The following EXT1 variants were observed in gnomAD, a reference collection of about 807,000 sequenced individuals.
EXT1 encodes the protein exostosin-1.
In EXT1, 20 loss-of-function variants were observed where a neutral mutation model predicts 82.5. That is an observed-to-expected ratio of 0.24 (90% CI 0.17 to 0.35). EXT1 has a LOEUF of 0.35. EXT1 is among the 10% of genes least tolerant of loss of function. The probability of loss-of-function intolerance (pLI) is 1.00; values close to 1 mark genes in which losing one functional copy is unlikely to be tolerated. For synonymous variants in EXT1, 348 were observed against 350.8 expected (o/e 0.99, Z 0.09); for missense variants, 757 against 936.5 (o/e 0.81, Z 2.50).
At chr8:117,889,966 C>T (rs1358204401) in intron 1 of EXT1, among the ~76,000 whole-genome samples, 1 of 152,112 alleles carries the variant, frequency 6.6e-6, no homozygotes, top group East Asian at 1.9e-4. Flanking sequence ...GATAATTTCC[C>T]TGACAAAACC....
chr8:117,816,004 G>C (rs1811805999), intron 7 of EXT1, among the ~76,000 whole-genome samples: 1 of 150,998 alleles, frequency 6.6e-6, no homozygotes, highest in African/African-American at 2.4e-5. Flanking sequence ...CTGTCTTGTA[G>C]TGTGTGTGTG....
chr8:117,822,806 A>C (rs1274887123), intron 4 of EXT1, among the ~76,000 whole-genome samples: 1 of 152,200 alleles, frequency 6.6e-6, no homozygotes, highest in African/African-American at 2.4e-5. Context: ...AATTATAGCC[A>C]ATCAAATTTC....
At chr8:117,993,732 G>A (rs369135259) in intron 1 of EXT1, among the ~76,000 whole-genome samples, 12 of 152,296 alleles carry the variant, frequency 7.9e-5, no homozygotes, top group East Asian at 7.7e-4. Flanking sequence ...AAGGAAACCC[G>A]TACAACTGTA....
At chr8:117,833,860 C>T (rs528995141) in intron 3 of EXT1, among the ~76,000 whole-genome samples, 11 of 152,250 alleles carry the variant, frequency 7.2e-5, no homozygotes, top group Admixed American at 7.2e-4. Flanking sequence ...CAACATGCAT[C>T]ACTCTTGTTT....
rs575277580 is a variant in EXT1, at chr8:117,939,956, G to T, written c.963-102755C>A. On this transcript the variant is annotated intron_variant, in intron 1 of 10. Transcript: ENST00000378204. The stretch of plus-strand genomic sequence containing the variant: ...TCTATTTGGCTATTGGATTGTGACT[G>T]TAACTTGCAGAATCTAGTTCTAGAC... Among the ~76,000 whole-genome samples, 7 of 152,338 alleles carry T rather than the reference G, an allele frequency of 4.6e-5. No homozygotes were observed. The South Asian group carries it at 1.4e-3, about 32-fold the overall frequency.
intron 1 of EXT1, among the ~76,000 whole-genome samples, chr8:117,875,911 G>A (rs1431931452): frequency 1.3e-5 from 2 of 152,118 alleles, no homozygotes; most frequent in African/African-American, 4.8e-5. Flanking sequence ...AAACCCTCCA[G>A]GCAGGGAAGA....
intron 1 of EXT1, among the ~76,000 whole-genome samples, chr8:118,011,912 T>C (rs895020381): frequency 1.3e-5 from 2 of 152,148 alleles, no homozygotes; most frequent in African/African-American, 2.4e-5. Context: ...AGGACAGTCA[T>C]CGCAGGCAGA....
intron 1 of EXT1, among the ~76,000 whole-genome samples, chr8:118,096,629 AG>A (rs1817618325): frequency 4.1e-4 from 5 of 12,218 alleles, no homozygotes; most frequent in South Asian, 4.9e-3. Flanking sequence ...GGAGGAAGGA[AG>A]GAAGGAAGGA....
intron 4 of EXT1, 101 bp downstream of exon 4, chr8:117,830,129 C>T: frequency 1.3e-6 from 2 of 1,499,608 alleles, no homozygotes; most frequent in South Asian, 1.1e-5. Flanking sequence ...CTGGTTTTGC[C>T]CCACTGGACC....
intron 9 of EXT1, among the ~76,000 whole-genome samples, chr8:117,806,647 C>T (rs10808488): frequency 0.36 from 55,257 of 152,028 alleles, 10,801 homozygotes; most frequent in Admixed American, 0.51. Context: ...GTCCTCTTGA[C>T]TTCCTGTCCT....
intron 7 of EXT1, among the ~76,000 whole-genome samples, chr8:117,814,886 T>C (rs1044448380): frequency 6.6e-6 from 1 of 152,108 alleles, no homozygotes; most frequent in African/African-American, 2.4e-5. Flanking sequence ...CTCGGTTTCT[T>C]TGCCGGCGAA....
chr8:117,940,147 G>A (rs1672803222), intron 1 of EXT1, among the ~76,000 whole-genome samples: 1 of 152,242 alleles, frequency 6.6e-6, no homozygotes, highest in African/African-American at 2.4e-5. Context: ...GTGGCAGCCA[G>A]AATGTCATCC....
intron 1 of EXT1, among the ~76,000 whole-genome samples, chr8:118,034,769 T>G (rs1451273451): frequency 1.3e-5 from 2 of 152,218 alleles, no homozygotes; most frequent in Non-Finnish European, 2.9e-5. Context: ...GGGACCACTC[T>G]GATTCTACCC....
At chr8:117,959,002 C>T (rs1471023300) in intron 1 of EXT1, among the ~76,000 whole-genome samples, 1 of 152,174 alleles carries the variant, frequency 6.6e-6, no homozygotes, top group Admixed American at 6.5e-5. Context: ...TAGTTACTTC[C>T]CTTGACCAAA....
At chr8:117,867,169 G>A (rs1026595792) in intron 1 of EXT1, among the ~76,000 whole-genome samples, 8 of 147,804 alleles carry the variant, frequency 5.4e-5, no homozygotes, top group Non-Finnish European at 1.2e-4. Context: ...TGAGGCAGAA[G>A]AACTGCTTGA....
chr8:117,859,356 G>A (rs1471354924), intron 1 of EXT1, among the ~76,000 whole-genome samples: 1 of 152,188 alleles, frequency 6.6e-6, no homozygotes, highest in African/African-American at 2.4e-5. Flanking sequence ...GAATAAGTCA[G>A]CAACTACACA....
intron 1 of EXT1, among the ~76,000 whole-genome samples, chr8:117,989,061 CAAAA>C (rs10649300): frequency 1.9e-5 from 2 of 105,328 alleles, no homozygotes. Flanking sequence ...CCCCTCCTCT[CAAAA>C]AAAAAAAAAA....
chr8:118,042,668 T>C (rs1271402236), intron 1 of EXT1, among the ~76,000 whole-genome samples: 1 of 152,204 alleles, frequency 6.6e-6, no homozygotes, highest in African/African-American at 2.4e-5. Flanking sequence ...TTCTCCTGTG[T>C]TCTCTTTGTC....
intron 1 of EXT1, among the ~76,000 whole-genome samples, chr8:118,043,316 A>C (rs1345450976): frequency 6.6e-6 from 1 of 152,234 alleles, no homozygotes; most frequent in Non-Finnish European, 1.5e-5. Flanking sequence ...TTTTAAAACG[A>C]AGAGACACTT....
Sources: allele counts gnomAD v4.1 joint callset (sites outside exome capture counted in the v4.1 genomes callset), GRCh38; gene constraint gnomAD v4.1.1; transcripts MANE v1.5; gene names NCBI Gene and HGNC (gene_info 2026-07-23, HGNC 2026-07-21).